Variants in DCC observed in about 807,000 individuals in gnomAD.
DCC encodes DCC netrin 1 receptor, also known as netrin receptor DCC.
A neutral mutation model predicts 172.5 loss-of-function variants in DCC; 58 were observed. The observed-to-expected ratio is 0.34, with a 90% CI of 0.27 to 0.42. The LOEUF (loss-of-function observed/expected upper bound fraction) is 0.42. Among genes scored for constraint, DCC ranks in the 10% least tolerant of loss-of-function variants. DCC has a pLI of 1.00. For synonymous variants in DCC, 709 were observed against 644.5 expected (o/e 1.10, Z -1.52); for missense variants, 1,740 against 1,791.0 (o/e 0.97, Z 0.51).
At chr18:53,031,591 TTGAG>T (rs1182945275) in intron 5 of DCC, among the ~76,000 whole-genome samples, 2 of 151,942 alleles carry the variant, frequency 1.3e-5, no homozygotes, top group African/African-American at 2.4e-5. Context: ...AAAATAAAAT[TTGAG>T]TGAAAAAAAG....
intron 7 of DCC, among the ~76,000 whole-genome samples, chr18:53,125,671 T>C (rs531217568): frequency 2.0e-5 from 3 of 152,212 alleles, no homozygotes; most frequent in East Asian, 1.9e-4. Context: ...GTTGCTTTCA[T>C]TGCTAAGTCT....
chr18:53,313,227 T>C (rs1232891974), intron 13 of DCC, among the ~76,000 whole-genome samples: 20 of 152,008 alleles, frequency 1.3e-4, no homozygotes, highest in Non-Finnish European at 8.8e-5. Context: ...TAATAGGGTA[T>C]ATTTATTTAT....
At chr18:53,299,022 C>T (rs748101420) in intron 12 of DCC, among the ~76,000 whole-genome samples, 1 of 152,178 alleles carries the variant, frequency 6.6e-6, no homozygotes, top group South Asian at 2.1e-4. Context: ...CATTTCACCA[C>T]TCACCACTAA....
chr18:52,407,004 TTG>T (rs1986676919), intron 1 of DCC, among the ~76,000 whole-genome samples: 4 of 139,006 alleles, frequency 2.9e-5, no homozygotes, highest in Admixed American at 2.8e-4. Flanking sequence ...CCATGTTGTT[TTG>T]TCTCTGACTT....
chr18:53,260,849 A>AC (rs919073460), intron 12 of DCC, among the ~76,000 whole-genome samples: 1 of 151,980 alleles, frequency 6.6e-6, no homozygotes, highest in African/African-American at 2.4e-5. Context: ...GGTGGGCTCC[A>AC]CCCTGTTCGA....
intron 2 of DCC, among the ~76,000 whole-genome samples, chr18:52,851,895 C>T (rs1271614482): frequency 6.6e-6 from 1 of 152,086 alleles, no homozygotes; most frequent in African/African-American, 2.4e-5. Flanking sequence ...TTTGACCAGA[C>T]ACCAGATAAT....
intron 1 of DCC, among the ~76,000 whole-genome samples, chr18:52,424,376 A>G (rs916703710): frequency 2.0e-5 from 3 of 152,166 alleles, no homozygotes; most frequent in Admixed American, 6.6e-5. Context: ...GCTCACAACC[A>G]GTAAGCCATA....
chr18:52,686,076 A>G (rs1302154207), intron 1 of DCC, among the ~76,000 whole-genome samples: 3 of 152,100 alleles, frequency 2.0e-5, no homozygotes, highest in Non-Finnish European at 2.9e-5. Flanking sequence ...CCACACTGTC[A>G]ATGTTATACA....
intron 13 of DCC, among the ~76,000 whole-genome samples, chr18:53,313,266 G>C (rs2057304161): frequency 6.6e-6 from 1 of 152,002 alleles, no homozygotes; most frequent in South Asian, 2.1e-4. Flanking sequence ...TTATTTTGAA[G>C]ACAGAGTCTC....
intron 1 of DCC, among the ~76,000 whole-genome samples, chr18:52,545,301 G>T (rs957587198): frequency 6.6e-6 from 1 of 152,216 alleles, no homozygotes; most frequent in Non-Finnish European, 1.5e-5. Flanking sequence ...ATGCCTTCTT[G>T]TATCAGGAAG....
chr18:53,026,332 T>C (rs1020769711), intron 5 of DCC, among the ~76,000 whole-genome samples: 1 of 152,138 alleles, frequency 6.6e-6, no homozygotes, highest in African/African-American at 2.4e-5. Flanking sequence ...TTATGTCTTA[T>C]CTATGTTTCC....
chr18:53,263,675 T>C (rs1305384677), intron 12 of DCC, among the ~76,000 whole-genome samples: 5 of 152,150 alleles, frequency 3.3e-5, no homozygotes, highest in African/African-American at 4.8e-5. Context: ...ACGGAAGTTC[T>C]GTACTAAAGT....
intron 26 of DCC, among the ~76,000 whole-genome samples, chr18:53,495,292 TGAGGCAGAGAATTGCTTGAACCTGG>T (rs1296877502): frequency 6.7e-6 from 1 of 149,146 alleles, no homozygotes; most frequent in African/African-American, 2.5e-5. Context: ...CTCAGGAGGC[TGAGGCAGAGAATTGCTTGAACCTGG>T]GAGGCAGAGG....
At chr18:52,862,405 TA>T (rs541363032) in intron 2 of DCC, among the ~76,000 whole-genome samples, 2 of 151,262 alleles carry the variant, frequency 1.3e-5, no homozygotes, top group African/African-American at 2.4e-5. Context: ...AAGTGATAAT[TA>T]AAAAAAAATA....
intron 5 of DCC, among the ~76,000 whole-genome samples, chr18:53,045,195 T>C (rs1781903312): frequency 6.6e-6 from 1 of 151,852 alleles, no homozygotes; most frequent in African/African-American, 2.4e-5. Context: ...AATGAGAAGG[T>C]ATAGAAAGGA....
At chr18:52,498,480 C>T (rs902530510) in intron 1 of DCC, among the ~76,000 whole-genome samples, 6 of 151,820 alleles carry the variant, frequency 4.0e-5, no homozygotes, top group African/African-American at 7.3e-5. Context: ...AAAAATTAGC[C>T]GTGCATGGTG....
chr18:53,343,937 A>G (rs898804947), intron 15 of DCC, among the ~76,000 whole-genome samples: 1 of 152,094 alleles, frequency 6.6e-6, no homozygotes, highest in South Asian at 2.1e-4. Context: ...ACAGTTATTC[A>G]TAATGTTTTC....
intron 5 of DCC, among the ~76,000 whole-genome samples, chr18:53,006,028 C>G (rs62097904): frequency 2.6e-5 from 4 of 152,102 alleles, no homozygotes; most frequent in Non-Finnish European, 4.4e-5. Flanking sequence ...CAAAATCAGG[C>G]AAGAGAACTC....
chr18:52,839,303 G>T (rs575058328), intron 2 of DCC, among the ~76,000 whole-genome samples: 1 of 152,140 alleles, frequency 6.6e-6, no homozygotes, highest in Non-Finnish European at 1.5e-5. Context: ...GTGCATGTGC[G>T]TGCTGGAGTC....
Sources: allele counts gnomAD v4.1 joint callset (sites outside exome capture counted in the v4.1 genomes callset), GRCh38; gene constraint gnomAD v4.1.1; transcripts MANE v1.5; gene names NCBI Gene and HGNC (gene_info 2026-07-23, HGNC 2026-07-21).